Variants in PRKCB observed in about 807,000 individuals in gnomAD.
The protein encoded by PRKCB is protein kinase C beta type.
PRKCB carries 13 observed loss-of-function variants against 81.5 expected under a neutral mutation model. The observed-to-expected ratio is 0.16, with a 90% CI of 0.10 to 0.25. The LOEUF is 0.25. Among genes scored for constraint, PRKCB ranks in the 10% least tolerant of loss-of-function variants. The probability of loss-of-function intolerance (pLI) is 1.00; values close to 1 mark genes in which losing one functional copy is unlikely to be tolerated. For missense variants in PRKCB, 509 were observed against 875.7 expected (o/e 0.58, Z 5.29); for synonymous variants, 335 against 321.4 (o/e 1.04, Z -0.45).
At chr16:23,900,718 G>GTTTTTTTTTTTTTTTTTTTTTTTTTTTT (rs56897816) in intron 2 of PRKCB, among the ~76,000 whole-genome samples, 2 of 62,232 alleles carry the variant, frequency 3.2e-5, no homozygotes, top group Admixed American at 2.9e-4. Flanking sequence ...AGCTGCACAG[G>GTTTTTTTTTTTTTTTTTTTTTTTTTTTT]TTTTTTTTTT....
chr16:24,196,066 T>C (rs1284679540), intron 16 of PRKCB, among the ~76,000 whole-genome samples: 1 of 152,220 alleles, frequency 6.6e-6, no homozygotes, highest in Admixed American at 6.5e-5. Context: ...CCTGAGTAGA[T>C]ATCTGCTACT....
intron 5 of PRKCB, among the ~76,000 whole-genome samples, chr16:24,040,576 T>A (rs1350269704): frequency 2.0e-5 from 3 of 152,198 alleles, no homozygotes; most frequent in Non-Finnish European, 4.4e-5. Flanking sequence ...CGGGACTGTG[T>A]CTTGCCACTC....
At chr16:23,907,447 G>A (rs953163830) in intron 2 of PRKCB, among the ~76,000 whole-genome samples, 2 of 152,306 alleles carry the variant, frequency 1.3e-5, no homozygotes, top group East Asian at 1.9e-4. Flanking sequence ...TTTAGTTTTT[G>A]TAGAGACAGG....
chr16:24,181,609 A>C (rs923530708), intron 13 of PRKCB, among the ~76,000 whole-genome samples: 2 of 151,984 alleles, frequency 1.3e-5, no homozygotes, highest in Non-Finnish European at 2.9e-5. Context: ...TCTACAAAAA[A>C]TACAAAAATT....
At chr16:23,897,089 A>G (rs938573261) in intron 2 of PRKCB, among the ~76,000 whole-genome samples, 4 of 152,216 alleles carry the variant, frequency 2.6e-5, no homozygotes, top group Non-Finnish European at 5.9e-5. Flanking sequence ...TTGATCACAA[A>G]TAATACAAGC....
chr16:24,152,941 C>A (rs1967101195), intron 9 of PRKCB, among the ~76,000 whole-genome samples: 1 of 152,074 alleles, frequency 6.6e-6, no homozygotes, highest in South Asian at 2.1e-4. Context: ...TGTCCCAAAT[C>A]CCTGCATCTG....
At chr16:23,856,629 T>C (rs2141086829) in intron 2 of PRKCB, among the ~76,000 whole-genome samples, 1 of 151,682 alleles carries the variant, frequency 6.6e-6, no homozygotes, top group South Asian at 2.1e-4. Context: ...GCCCAAGAGA[T>C]CCTCCCACCT....
intron 5 of PRKCB, among the ~76,000 whole-genome samples, chr16:24,071,704 C>T (rs534897408): frequency 6.6e-6 from 1 of 152,118 alleles, no homozygotes; most frequent in Non-Finnish European, 1.5e-5. Flanking sequence ...GACACTAGAT[C>T]CCATCTGTCT....
At position 23,982,120 on chromosome 16, in the gene PRKCB, TCC is replaced by T. The variant is rs1447579587; in HGVS notation, c.206-6385_206-6384del. Among the ~76,000 whole-genome samples the T allele has an allele frequency of 3.3e-3, 134 of 40,864 alleles. 1 individual carries two copies. Among genetic ancestry groups the T allele is most frequent in the Non-Finnish European group, 4.1e-3 (88 of 21,490 alleles). The allele number at this position is 40,864 out of a possible 152,430, so 26.8% of individuals were successfully genotyped here. On this transcript the variant is annotated intron_variant, in intron 2 of 16. Transcript: ENST00000643927. ...CTTTTCCCTTCCCTTCCCTTTCCCTTCCCCTTCCCTTCCCTTTCCCTTCCCTT... is the reference window on the plus strand; with the variant it reads ...CTTTTCCCTTCCCTTCCCTTTCCCTTCCTTCCCTTCCCTTTCCCTTCCCTT...
chr16:24,189,736 C>T (rs138022887), intron 15 of PRKCB, among the ~76,000 whole-genome samples: 12 of 151,224 alleles, frequency 7.9e-5, no homozygotes, highest in African/African-American at 2.9e-4. Context: ...ATGACAAGTA[C>T]ATGCTTGTGT....
intron 2 of PRKCB, among the ~76,000 whole-genome samples, chr16:23,919,865 T>C (rs948816507): frequency 2.0e-5 from 3 of 152,260 alleles, no homozygotes; most frequent in African/African-American, 7.2e-5. Flanking sequence ...AATATTTCAT[T>C]GCTTTATAGA....
chr16:24,044,276 T>C (rs945686574), intron 5 of PRKCB, among the ~76,000 whole-genome samples: 14 of 152,154 alleles, frequency 9.2e-5, no homozygotes, highest in African/African-American at 3.4e-4. Context: ...CGAGAATCAC[T>C]TGAACCCTGC....
intron 9 of PRKCB, among the ~76,000 whole-genome samples, chr16:24,150,269 C>T (rs533218838): frequency 4.6e-5 from 7 of 152,120 alleles, no homozygotes; most frequent in East Asian, 1.9e-4. Flanking sequence ...AGGAGGTGAA[C>T]GAAGATCATG....
chr16:23,885,214 T>G (rs1009764369), intron 2 of PRKCB, among the ~76,000 whole-genome samples: 1 of 152,232 alleles, frequency 6.6e-6, no homozygotes, highest in African/African-American at 2.4e-5. Flanking sequence ...TGAAATTCAC[T>G]AATCATTAAG....
At position 23,988,532 on chromosome 16, in the gene PRKCB, G is replaced by A; in HGVS notation, c.230G>A (p.Arg77Gln). The A allele has an allele frequency of 1.2e-6, 2 of 1,613,970 alleles. No homozygotes were observed. The highest frequency in any genetic ancestry group is 1.7e-6 in the Non-Finnish European group (2 of 1,179,970). The part of the protein sequence containing the change: ...CQVCCFVVHK[R>Q]CHEFVTFSCP... ...GTTTGCTGCTTTGTGGTGCACAAGC[G>A]GTGCCATGAATTTGTCACATTCTCC... Residue 77 changes from arginine (R) to glutamine (Q), a missense_variant, in exon 3 of 17, where the codon CGG becomes CAG. Physicochemically the swap from Arg to Gln is conservative, Grantham distance 43. Around this residue, in one of 6 missense-constraint regions of PRKCB, gnomAD observed 184 missense variants for 362.9 expected, o/e 0.51. Transcript: ENST00000643927.
At chr16:23,951,525 C>T (rs1346284728) in intron 2 of PRKCB, among the ~76,000 whole-genome samples, 1 of 151,368 alleles carries the variant, frequency 6.6e-6, no homozygotes, top group Non-Finnish European at 1.5e-5. Flanking sequence ...CAGTGATCTT[C>T]CCACCTTAGC....
intron 2 of PRKCB, among the ~76,000 whole-genome samples, chr16:23,859,342 C>T (rs1298361315): frequency 6.6e-6 from 1 of 152,148 alleles, no homozygotes; most frequent in Non-Finnish European, 1.5e-5. Context: ...TGAGATCCCT[C>T]CTTTGTATCT....
intron 2 of PRKCB, among the ~76,000 whole-genome samples, chr16:23,913,339 CA>C (rs1172640933): frequency 0.016 from 2,351 of 143,006 alleles, 29 homozygotes; most frequent in South Asian, 0.058. Flanking sequence ...CAAATCATGT[CA>C]AAAAAAAAAA....
At position 24,219,087 on chromosome 16, in the gene PRKCB, A is replaced by G; in HGVS notation, c.*4271A>G. 1 of 985,458 alleles carries G rather than the reference A, an allele frequency of 1.0e-6. No individual in the cohort carries two copies. The highest frequency in any genetic ancestry group is 1.2e-6 in the Non-Finnish European group (1 of 829,966). The allele number at this position is 985,458 out of a possible 1,614,324, so 61.0% of individuals were successfully genotyped here. A position where few individuals can be genotyped will look rare whatever the true frequency, so the allele number is the denominator to read the frequency against. On this transcript the variant is annotated 3_prime_UTR_variant, in exon 17 of 17. Transcript: ENST00000643927. ...GCAAGGACCCTGAAGAGGTCGGAGC[A>G]TCATACAGATTCCTTTATTAGCCCA...
Sources: gnomAD v4.1 joint callset for allele counts (sites outside exome capture counted in the v4.1 genomes callset) on GRCh38, gnomAD v4.1.1 for gene constraint, gnomAD v4.1.1 regional missense constraint, MANE v1.5 for transcripts, NCBI Gene and HGNC (gene_info 2026-07-23, HGNC 2026-07-21) for gene names.